Variants in RFC3 observed in about 807,000 individuals in gnomAD.
The protein encoded by RFC3 is A1 38 kDa subunit.
A neutral mutation model predicts 45.1 loss-of-function variants in RFC3; 41 were observed. The observed-to-expected ratio is 0.91, with a 90% CI of 0.71 to 1.18. The LOEUF (loss-of-function observed/expected upper bound fraction) is 1.18, where lower values mean the gene tolerates loss of function less well. RFC3 is among the 50% of genes most tolerant of loss of function. The pLI is 0.00. For synonymous variants in RFC3, 149 were observed against 144.0 expected, an observed-to-expected ratio of 1.03 and a Z score of -0.25; for missense variants, 423 against 428.1, an observed-to-expected ratio of 0.99 and a Z score of 0.10.
intron 8 of RFC3, among the ~76,000 whole-genome samples, chr13:33,865,063 C>T (rs2082364595): frequency 6.6e-6 from 1 of 152,034 alleles, no homozygotes; most frequent in African/African-American, 2.4e-5. Context: ...CAGTCAGAAA[C>T]TGGACAAAGA....
intron 8 of RFC3, among the ~76,000 whole-genome samples, chr13:33,941,284 A>C (rs1276213611): frequency 6.6e-6 from 1 of 151,748 alleles, no homozygotes; most frequent in Non-Finnish European, 1.5e-5. Flanking sequence ...ATCACCCTTC[A>C]ATGTGTCTGC....
At chr13:33,967,178 T>A (rs1019816498), downstream of RFC3, among the ~76,000 whole-genome samples, 2 of 151,696 alleles carry the variant, frequency 1.3e-5, no homozygotes, top group African/African-American at 2.4e-5. Flanking sequence ...AAAAAAAATT[T>A]AAAAAAAGGG....
At chr13:33,943,598 A>G (rs1185451561) in intron 8 of RFC3, among the ~76,000 whole-genome samples, 1 of 152,168 alleles carries the variant, frequency 6.6e-6, no homozygotes, top group Non-Finnish European at 1.5e-5. Flanking sequence ...CATGCACCCT[A>G]TAAATATGTA....
In RFC3 at chr13:33,910,306, C is replaced by T. The variant is rs148160466; in HGVS notation, c.880-55781C>T. On this transcript the variant is annotated intron_variant, in intron 8 of 8. Transcript: ENST00000434425. ...GGTGTCTGAGGCCCAGTTTTTGTCACTCACTTAGACATTATCTTTTCTAAG... is the reference window on the plus strand; with the variant it reads ...GGTGTCTGAGGCCCAGTTTTTGTCATTCACTTAGACATTATCTTTTCTAAG... Among the ~76,000 whole-genome samples the T allele has an allele frequency of 1.2e-3, 186 of 152,182 alleles. 3 individuals are homozygous for T. The highest frequency in any genetic ancestry group is 9.4e-3 in the Admixed American group (143 of 15,272).
chr13:33,867,988 G>A (rs1329644287), intron 8 of RFC3, among the ~76,000 whole-genome samples: 1 of 152,224 alleles, frequency 6.6e-6, no homozygotes, highest in Non-Finnish European at 1.5e-5. Flanking sequence ...AACAGAAATA[G>A]AGAGGAAAAT....
At chr13:33,847,930 A>G (rs954739888) in intron 8 of RFC3, 10 of 152,072 alleles carry the variant, frequency 6.6e-5, no homozygotes, top group Non-Finnish European at 1.5e-5. Context: ...TGCTCACTTT[A>G]CAGGCTTTTT....
downstream of RFC3, among the ~76,000 whole-genome samples, chr13:33,840,518 AT>A (rs935210381): frequency 9.9e-5 from 15 of 151,174 alleles, no homozygotes; most frequent in African/African-American, 3.6e-4. Flanking sequence ...ATGTGCATTA[AT>A]TTGGATTGGA....
At chr13:33,900,981 A>G (rs1268563962) in intron 8 of RFC3, among the ~76,000 whole-genome samples, 1 of 152,022 alleles carries the variant, frequency 6.6e-6, no homozygotes, top group Non-Finnish European at 1.5e-5. Context: ...ATGCAAATCA[A>G]AATCACAATG....
intron 8 of RFC3, among the ~76,000 whole-genome samples, chr13:33,920,420 CTTTTTTTTTTT>C (rs777079510): frequency 3.4e-4 from 28 of 83,182 alleles, no homozygotes; most frequent in African/African-American, 1.2e-3. Context: ...TACAACCACA[CTTTTTTTTTTT>C]TTTTTTTTTT....
At chr13:33,907,402 A>G (rs912918781) in intron 8 of RFC3, among the ~76,000 whole-genome samples, 6 of 152,098 alleles carry the variant, frequency 3.9e-5, no homozygotes, top group South Asian at 2.1e-4. Flanking sequence ...CCATTATTAC[A>G]TATCAAAAAT....
At chr13:33,902,058 A>C (rs2082644942) in intron 8 of RFC3, among the ~76,000 whole-genome samples, 1 of 152,062 alleles carries the variant, frequency 6.6e-6, no homozygotes. Context: ...AAAAGCTGTG[A>C]TGGTGGAATA....
chr13:33,893,933 G>A (rs1160683646), intron 8 of RFC3, among the ~76,000 whole-genome samples: 1 of 152,108 alleles, frequency 6.6e-6, no homozygotes, highest in Non-Finnish European at 1.5e-5. Context: ...AGTTCAGCAA[G>A]AGCAAGGAGT....
chr13:33,932,580 AG>A (rs2137775115), intron 8 of RFC3, among the ~76,000 whole-genome samples: 1 of 152,248 alleles, frequency 6.6e-6, no homozygotes, highest in South Asian at 2.1e-4. Context: ...ATGAAACTGT[AG>A]AACTGGGCCC....
At chr13:33,876,964 G>T (rs556136638) in intron 8 of RFC3, among the ~76,000 whole-genome samples, 1 of 152,346 alleles carries the variant, frequency 6.6e-6, no homozygotes, top group South Asian at 2.1e-4. Context: ...TGGATGAAAA[G>T]CAGACACTGA....
At chr13:33,967,491 T>TTA (rs2083093732), downstream of RFC3, among the ~76,000 whole-genome samples, 2 of 147,666 alleles carry the variant, frequency 1.4e-5, no homozygotes. Flanking sequence ...CAATTCTTTT[T>TTA]TTTTTTTTTT....
intron 8 of RFC3, among the ~76,000 whole-genome samples, chr13:33,955,258 C>T (rs1004910657): frequency 2.6e-5 from 4 of 152,050 alleles, no homozygotes; most frequent in African/African-American, 9.7e-5. Flanking sequence ...ACAAACTAAC[C>T]AAGTTTAAGG....
intron 8 of RFC3, chr13:33,847,691 T>C (rs1054445866): frequency 6.6e-6 from 1 of 152,236 alleles, no homozygotes; most frequent in African/African-American, 2.4e-5. Context: ...TACATTTTCT[T>C]AGTTTGCAAT....
intron 1 of RFC3, among the ~76,000 whole-genome samples, chr13:33,819,449 T>C (rs3135543): frequency 3.9e-5 from 6 of 152,194 alleles, no homozygotes; most frequent in Admixed American, 6.5e-5. Context: ...TTCCGACCTT[T>C]CTTAGATTTA....
downstream of RFC3, among the ~76,000 whole-genome samples, chr13:33,967,486 CTT>C (rs11393413): frequency 1.7e-5 from 2 of 119,456 alleles, no homozygotes; most frequent in Admixed American, 1.0e-4. Context: ...ACCAGCAATT[CTT>C]TTTTTTTTTT....
Sources: gnomAD v4.1 joint callset for allele counts (sites outside exome capture counted in the v4.1 genomes callset) on GRCh38, gnomAD v4.1.1 for gene constraint, MANE v1.5 for transcripts, NCBI Gene and HGNC (gene_info 2026-07-23, HGNC 2026-07-21) for gene names.